The following MTBP variants were observed in gnomAD, a reference collection of about 807,000 sequenced individuals.
The protein encoded by MTBP is mdm2-binding protein.
MTBP carries 101 observed loss-of-function variants against 117.0 expected under a neutral mutation model. The observed-to-expected ratio is 0.86, with a 90% confidence interval of 0.73 to 1.02. MTBP has a LOEUF of 1.02. MTBP is among the 50% of genes least tolerant of loss of function. The pLI, the probability that MTBP is intolerant of heterozygous loss-of-function variation, is 0.00. For missense variants in MTBP, 970 were observed against 1,030.9 expected (o/e 0.94, Z 0.81); for synonymous variants, 350 against 351.5 (o/e 1.00, Z 0.05).
intron 17 of MTBP, among the ~76,000 whole-genome samples, chr8:120,512,821 A>G: frequency 6.6e-6 from 1 of 152,092 alleles, no homozygotes; most frequent in South Asian, 2.1e-4. Context: ...TTTTTCAAGA[A>G]GATTTGGGTG....
At chr8:120,464,859 A>G (rs971536433) in intron 10 of MTBP, among the ~76,000 whole-genome samples, 2 of 152,110 alleles carry the variant, frequency 1.3e-5, no homozygotes, top group African/African-American at 4.8e-5. Context: ...GAGGTACTAT[A>G]CTAGATTTCG....
chr8:120,491,116 G>A (rs1415844509), intron 13 of MTBP, among the ~76,000 whole-genome samples: 1 of 151,734 alleles, frequency 6.6e-6, no homozygotes, highest in Admixed American at 6.6e-5. Context: ...AGTTAATTTG[G>A]CTATCAGTCT....
At chr8:120,450,899 G>T (rs1813324371) in intron 2 of MTBP, 104 bp from the exon 3 acceptor site, 2 of 737,430 alleles carry the variant, frequency 2.7e-6, no homozygotes, top group Non-Finnish European at 2.2e-6. Flanking sequence ...GGATAATTAT[G>T]TAATATGTTT....
chr8:120,497,504 A>T lies in MTBP; in HGVS notation c.1559A>T (p.Lys520Ile), dbSNP rs1268332266. The stretch of plus-strand genomic sequence containing the variant: ...GATTATTTTGATGCTGTGATTCCTA[A>T]AATGATTCTAAGAAAGATGGACAAA... Reference protein sequence around the residue: ...FLDYFDAVIPKMILRKMDKIK... With the variant: ...FLDYFDAVIPIMILRKMDKIK... The change falls in exon 14 of 22, where the codon AAA becomes ATA. Residue 520 changes from lysine to isoleucine, a missense_variant. Lys to Ile is a moderately radical substitution (Grantham distance 102). Transcript: ENST00000305949. The T allele has an allele frequency of 1.3e-6, 2 of 1,577,628 alleles. No homozygotes were observed. Among genetic ancestry groups the T allele is most frequent in the African/African-American group, 2.7e-5 (2 of 74,000 alleles).
In MTBP at chr8:120,488,092, A is replaced by G. The variant is rs941391662; in HGVS notation, c.1166-67A>G. 17 of 1,299,844 alleles carry G rather than the reference A, an allele frequency of 1.3e-5. No individual in the cohort carries two copies. The Admixed American group carries it at 4.7e-4, about 36-fold the overall frequency. 80.5% of individuals were successfully genotyped at this position (1,299,844 alleles called of 1,614,324 possible). ...AATTTTATTATATCCTATGGATCAA[A>G]TGTATGGTTCTGTTGTGTTGTGTGC... On this transcript the variant is annotated intron_variant, in intron 11 of 21. Transcript: ENST00000305949.
chr8:120,463,350 A>G (rs896918607), intron 9 of MTBP, among the ~76,000 whole-genome samples: 1 of 152,110 alleles, frequency 6.6e-6, no homozygotes, highest in African/African-American at 2.4e-5. Flanking sequence ...TAAGAACAGA[A>G]CATTTTATAT....
At position 120,514,119 on chromosome 8, in the gene MTBP, TAAG is replaced by T. The variant is rs879710173; in HGVS notation, c.1980-1804_1980-1802del. On this transcript the variant is annotated intron_variant, in intron 17 of 21. Coordinates refer to ENST00000305949, the MANE Select transcript of MTBP (RefSeq NM_022045.5). ...TTAAATATAATTAATTTTAATATAA[TAAG>T]ATGTTTTGATGTACGTATGTATAGT... Among the ~76,000 whole-genome samples the T allele has an allele frequency of 1.1e-3, 160 of 151,758 alleles. 1 individual carries two copies. The highest frequency in any genetic ancestry group is 2.1e-3 in the Non-Finnish European group (140 of 67,844).
chr8:120,522,584 TTAATAA>T lies in MTBP; in HGVS notation c.2611-65_2611-60del, dbSNP rs1244005201. On this transcript the variant is annotated intron_variant, in intron 20 of 21. Transcript: ENST00000305949. ...TGATTTAGAATAATCTCAAGTGTAT[TTAATAA>T]TAATGAGTTGTTCTTTGTAATTTAA... 1.4e-5 allele frequency: 14 copies of T among 1,028,146 alleles called. No individual in the cohort carries two copies. In the East Asian group the frequency reaches 3.3e-4, roughly 24 times the overall value. The allele number at this position is 1,028,146 out of a possible 1,614,324, so 63.7% of individuals were successfully genotyped here.
At chr8:120,492,195 G>T (rs1814360828) in intron 13 of MTBP, among the ~76,000 whole-genome samples, 9 of 152,102 alleles carry the variant, frequency 5.9e-5, no homozygotes, top group Admixed American at 5.9e-4. Context: ...AAATGATCCA[G>T]TTAATCTATT....
chr8:120,476,730 G>T (rs977828463), intron 11 of MTBP, among the ~76,000 whole-genome samples: 9 of 151,862 alleles, frequency 5.9e-5, no homozygotes, highest in African/African-American at 2.2e-4. Context: ...GAACTACAAA[G>T]CACTGCTCAA....
intron 5 of MTBP, 88 bp from the exon 6 acceptor site, chr8:120,455,343 TAAAC>T: frequency 3.2e-6 from 2 of 632,928 alleles, no homozygotes; most frequent in Non-Finnish European, 4.9e-6. Context: ...TTTTTCTAAA[TAAAC>T]ATAAAATTCA....
chr8:120,478,886 A>G (rs1768990076), intron 11 of MTBP, among the ~76,000 whole-genome samples: 1 of 152,168 alleles, frequency 6.6e-6, no homozygotes. Flanking sequence ...TGATCCATAA[A>G]CACCATGGAC....
chr8:120,475,630 A>G (rs9642851), intron 11 of MTBP, among the ~76,000 whole-genome samples: 80,900 of 151,788 alleles, frequency 0.53, 24,699 homozygotes, highest in Non-Finnish European at 0.67. Context: ...TTTAATTATA[A>G]TAGTAAATGA....
At position 120,451,152 on chromosome 8, in the gene MTBP, C is replaced by T. The variant is rs770580411; in HGVS notation, c.274-19C>T. 16 of 1,588,554 alleles carry T rather than the reference C, an allele frequency of 1.0e-5. No individual in the cohort carries two copies. The Admixed American group carries it at 2.8e-4, about 28-fold the overall frequency. The stretch of plus-strand genomic sequence containing the variant: ...TAATTTCATGATCCATTATTTAATA[C>T]AATCTTTTGATTTGTTAGTTTTGTA... On this transcript the variant is annotated intron_variant, in intron 3 of 21. Transcript: ENST00000305949.
At chr8:120,514,458 TCAAAGA>T (rs1814879074) in intron 17 of MTBP, among the ~76,000 whole-genome samples, 1 of 152,162 alleles carries the variant, frequency 6.6e-6, no homozygotes, top group Non-Finnish European at 1.5e-5. Flanking sequence ...TTTAAAACTG[TCAAAGA>T]CAGAGTATTA....
rs1344122430 is a variant in MTBP at position 120,509,981 on chromosome 8, A to G, written c.1931A>G (p.Gln644Arg). Residue 644 changes from glutamine (Q) to arginine (R), a missense_variant, in exon 17 of 22, where the codon CAG (glutamine) becomes CGG (arginine). Gln to Arg is a conservative substitution (Grantham distance 43). Transcript: ENST00000305949. ...CCAGAACTTAGTCCTGGGAAACTTC[A>G]GGTCTTACCTTTTGAGAAAGCCTCA... ...LTPELSPGKLQVLPFEKASVC... is the reference protein window; with the variant it reads ...LTPELSPGKLRVLPFEKASVC... 1 of 1,612,476 alleles carries G rather than the reference A, an allele frequency of 6.2e-7. No homozygotes were observed. Among genetic ancestry groups the G allele is most frequent in the Middle Eastern group, 1.7e-4 (1 of 6,038 alleles).
At chr8:120,480,467 C>T (rs1814055229) in intron 11 of MTBP, among the ~76,000 whole-genome samples, 2 of 151,912 alleles carry the variant, frequency 1.3e-5, no homozygotes, top group South Asian at 4.1e-4. Context: ...AGTAGCAAAG[C>T]AACTAGAATG....
At chr8:120,503,982 C>T (rs1211595862) in intron 15 of MTBP, among the ~76,000 whole-genome samples, 1 of 152,006 alleles carries the variant, frequency 6.6e-6, no homozygotes, top group Non-Finnish European at 1.5e-5. Context: ...GTCAAGAATT[C>T]TTCTTTAGGG....
chr8:120,478,409 A>G (rs529095842), intron 11 of MTBP, among the ~76,000 whole-genome samples: 1 of 152,314 alleles, frequency 6.6e-6, no homozygotes, highest in Non-Finnish European at 1.5e-5. Context: ...TAAAGAAAAA[A>G]AAAAACTTGG....
Sources: gnomAD v4.1 joint callset for allele counts (sites outside exome capture counted in the v4.1 genomes callset) on GRCh38, gnomAD v4.1.1 for gene constraint, MANE v1.5 for transcripts, NCBI Gene and HGNC (gene_info 2026-07-23, HGNC 2026-07-21) for gene names.